IL6R: variants seen among roughly 807,000 people sequenced by gnomAD.
IL6R encodes interleukin-6 receptor subunit alpha.
In IL6R, 38 loss-of-function variants were observed where a neutral mutation model predicts 48.3. That is an observed-to-expected ratio of 0.79 (90% CI 0.61 to 1.03). The LOEUF (loss-of-function observed/expected upper bound fraction) is 1.03. Among genes scored for constraint, IL6R ranks in the 50% least tolerant of loss-of-function variants. The pLI is 0.00. For synonymous variants in IL6R, 264 were observed against 256.2 expected, an observed-to-expected ratio of 1.03 and a Z score of -0.29; for missense variants, 534 against 618.3, an observed-to-expected ratio of 0.86 and a Z score of 1.45.
intron 1 of IL6R, among the ~76,000 whole-genome samples, chr1:154,416,885 C>G (rs1688389056): frequency 6.6e-6 from 1 of 152,154 alleles, no homozygotes; most frequent in Non-Finnish European, 1.5e-5. Context: ...AAGAACTGAA[C>G]AGAAGCATCC....
intron 1 of IL6R, among the ~76,000 whole-genome samples, chr1:154,427,502 A>C (rs1207513949): frequency 6.6e-6 from 1 of 152,126 alleles, no homozygotes; most frequent in Admixed American, 6.5e-5. Context: ...ACCAGAGAAA[A>C]CCTTAGATGA....
Position 154,435,973 on chromosome 1 carries a change from A to G in IL6R, c.812A>G (p.Lys271Arg). The G allele has an allele frequency of 6.2e-7, 1 of 1,603,296 alleles. No homozygotes were observed. Among genetic ancestry groups the G allele is most frequent in the Non-Finnish European group, 8.5e-7 (1 of 1,172,022 alleles). ...RSKTFTTWMV[K>R]DLQHHCVIHD... Reference sequence around the variant, plus strand: ...TCACCGTGCCCCCGCCCTCAGGTCAAGGACCTCCAGCATCACTGTGTCATC... The same window carrying G: ...TCACCGTGCCCCCGCCCTCAGGTCAGGGACCTCCAGCATCACTGTGTCATC... The change falls in exon 6 of 10, where the codon AAG becomes AGG. Residue 271 changes from lysine to arginine, a missense_variant. Coordinates refer to ENST00000368485, the MANE Select transcript of IL6R (RefSeq NM_000565.4).
rs537015129 is a variant in IL6R, at chr1:154,412,503, C to T, written c.85+6789C>T. Among the ~76,000 whole-genome samples the T allele has an allele frequency of 3.9e-5, 6 of 152,190 alleles. No individual in the cohort carries two copies. The East Asian group carries it at 9.7e-4, about 25-fold the overall frequency. ...GAACTCCTGACCTCAGGTGATCCAC[C>T]CACCTTGGCCTCCCAAAGTGCTGGG... On this transcript the variant is annotated intron_variant, in intron 1 of 9. Coordinates refer to ENST00000368485, the MANE Select transcript of IL6R (RefSeq NM_000565.4).
At chr1:154,422,222 G>A (rs140885562) in intron 1 of IL6R, among the ~76,000 whole-genome samples, 1,629 of 152,294 alleles carry the variant, frequency 0.011, 31 homozygotes, top group African/African-American at 0.036. Flanking sequence ...GATTACAGGC[G>A]TGAGCCACGG....
chr1:154,407,221 G>T (rs766676535), intron 1 of IL6R, among the ~76,000 whole-genome samples: 2 of 152,210 alleles, frequency 1.3e-5, no homozygotes, highest in African/African-American at 4.8e-5. Context: ...TCCAGGGCTC[G>T]GATGGCCTCA....
At chr1:154,429,710 A>G (rs1172558651) in intron 2 of IL6R, among the ~76,000 whole-genome samples, 1 of 152,156 alleles carries the variant, frequency 6.6e-6, no homozygotes, top group Non-Finnish European at 1.5e-5. Flanking sequence ...GGAGTCAGGC[A>G]GCCTGGGTTT....
intron 6 of IL6R, among the ~76,000 whole-genome samples, chr1:154,442,400 C>A (rs1274066774): frequency 6.6e-6 from 1 of 152,116 alleles, no homozygotes; most frequent in Non-Finnish European, 1.5e-5. Flanking sequence ...GAGCTGTGAG[C>A]AAGGGGAGGG....
chr1:154,468,034 T>C lies in IL6R; in HGVS notation c.*2654T>C, dbSNP rs1355899034. 1 of 152,226 alleles carries C rather than the reference T, an allele frequency of 6.6e-6. No homozygotes were observed. The highest frequency in any genetic ancestry group is 2.1e-4 in the South Asian group (1 of 4,834). The allele number at this position is 152,226 out of a possible 1,614,324, so 9.4% of individuals were successfully genotyped here. ...GGCAGCTTTGATCTCCAAATTGTTA[T>C]TGCTTTCATTTTTATTGTAATGGAA... is the stretch of plus-strand genomic sequence containing the variant. On this transcript the variant is annotated 3_prime_UTR_variant, in exon 10 of 10. Coordinates refer to ENST00000368485, the MANE Select transcript of IL6R (RefSeq NM_000565.4).
At chr1:154,415,627 G>A (rs1056029246) in intron 1 of IL6R, among the ~76,000 whole-genome samples, 4 of 152,208 alleles carry the variant, frequency 2.6e-5, no homozygotes, top group African/African-American at 9.7e-5. Context: ...GAAACTGCCT[G>A]TATGTGTAGC....
At chr1:154,414,497 C>CAA in intron 1 of IL6R, 1 of 872,120 alleles carries the variant, frequency 1.1e-6, no homozygotes, top group Non-Finnish European at 1.9e-6. Flanking sequence ...CGGGACCCAC[C>CAA]CTCACTTCTT....
chr1:154,453,008 C>G (rs527244962), intron 8 of IL6R, among the ~76,000 whole-genome samples: 9 of 152,062 alleles, frequency 5.9e-5, no homozygotes, highest in Non-Finnish European at 1.2e-4. Context: ...AGTTGGAGAC[C>G]AGCTTGGGCA....
chr1:154,446,242 G>A (rs1690221317), intron 6 of IL6R, among the ~76,000 whole-genome samples: 1 of 152,194 alleles, frequency 6.6e-6, no homozygotes, highest in Non-Finnish European at 1.5e-5. Flanking sequence ...CGCACTTGCT[G>A]TGCGGCCTTG....
intron 6 of IL6R, among the ~76,000 whole-genome samples, chr1:154,439,922 G>A (rs1476172891): frequency 6.6e-6 from 1 of 150,918 alleles, no homozygotes; most frequent in African/African-American, 2.4e-5. Flanking sequence ...TTTTTGAGAC[G>A]GAGTCTCACT....
At chr1:154,426,726 A>G (rs1020191824) in intron 1 of IL6R, among the ~76,000 whole-genome samples, 5 of 152,162 alleles carry the variant, frequency 3.3e-5, no homozygotes, top group African/African-American at 4.8e-5. Flanking sequence ...TACATTATAT[A>G]TATGAATTTG....
chr1:154,434,493 C>G, intron 3 of IL6R, 26 bp from the exon 4 acceptor site: 1 of 1,601,530 alleles, frequency 6.2e-7, no homozygotes, highest in Non-Finnish European at 8.5e-7. Flanking sequence ...GACAGGCAAG[C>G]CCTGCCCTTG....
chr1:154,448,445 C>A (rs1690396795), intron 7 of IL6R, among the ~76,000 whole-genome samples: 1 of 152,242 alleles, frequency 6.6e-6, no homozygotes, highest in Admixed American at 6.5e-5. Flanking sequence ...TTGGACAACG[C>A]TAATGGCTTA....
chr1:154,431,506 G>A (rs1242255017), intron 3 of IL6R, among the ~76,000 whole-genome samples: 2 of 152,114 alleles, frequency 1.3e-5, no homozygotes, highest in Non-Finnish European at 1.5e-5. Flanking sequence ...TGCAGTAAGA[G>A]GTTAGCAATA....
In IL6R at chr1:154,444,939, G is replaced by GC. The variant is rs552532300; in HGVS notation, c.950-3178dup. 2.0e-3 allele frequency: 634 copies of GC among 320,354 alleles called. 2 individuals carry two copies. The highest frequency in any genetic ancestry group is 8.3e-3 in the African/African-American group (366 of 43,864). The allele number at this position is 320,354 out of a possible 1,614,324, so 19.8% of individuals were successfully genotyped here. ...GACTCCTTAACTGCCCCCCACACCC[G>GC]CCCCCCCCAAATGAGGAAGGGTGAA... On this transcript the variant is annotated intron_variant, in intron 6 of 9. Transcript: ENST00000368485.
intron 6 of IL6R, among the ~76,000 whole-genome samples, chr1:154,445,507 T>C (rs970269400): frequency 1.3e-5 from 2 of 151,924 alleles, no homozygotes; most frequent in African/African-American, 2.4e-5. Flanking sequence ...TCTCAGTACT[T>C]TGGGAGGCTG....
Sources: gnomAD v4.1 joint callset for allele counts (sites outside exome capture counted in the v4.1 genomes callset) on GRCh38, gnomAD v4.1.1 for gene constraint, MANE v1.5 for transcripts, NCBI Gene and HGNC (gene_info 2026-07-23, HGNC 2026-07-21) for gene names.